Variants in ADGRG7 observed in about 807,000 individuals in gnomAD.
ADGRG7 encodes G-protein coupled receptor 128.
Under a neutral mutation model 88.6 loss-of-function variants are expected in ADGRG7, and 82 were observed. That is an observed-to-expected ratio of 0.93 (90% CI 0.77 to 1.11). ADGRG7 has a LOEUF of 1.11. Ranked by LOEUF, ADGRG7 falls within the 50% of genes most tolerant of loss-of-function variation. The pLI, the probability that ADGRG7 is intolerant of heterozygous loss-of-function variation, is 0.00. For missense variants in ADGRG7, 945 were observed against 953.4 expected, an observed-to-expected ratio of 0.99 and a Z score of 0.12; for synonymous variants, 381 against 345.2, an observed-to-expected ratio of 1.10 and a Z score of -1.15.
At chr3:100,650,744 C>T (rs776956990) in intron 11 of ADGRG7, among the ~76,000 whole-genome samples, 5 of 152,050 alleles carry the variant, frequency 3.3e-5, no homozygotes, top group African/African-American at 2.4e-5. Flanking sequence ...ATAGATGACT[C>T]GTGGGGTGCC....
chr3:100,622,922 G>T lies in ADGRG7; in HGVS notation c.116-6676G>T, dbSNP rs938844299. Among the ~76,000 whole-genome samples the T allele has an allele frequency of 5.5e-3, 784 of 141,922 alleles. 8 individuals carry two copies. The highest frequency in any genetic ancestry group is 8.7e-3 in the Non-Finnish European group (553 of 63,640). The allele number at this position is 141,922 out of a possible 152,430, so 93.1% of individuals were successfully genotyped here. A position where few individuals can be genotyped will look rare whatever the true frequency, so the allele number is the denominator to read the frequency against. On this transcript the variant is annotated intron_variant, in intron 1 of 15. Transcript: ENST00000273352. ...GCGTCACCATGCCCGGAAAATTTTT[G>T]TTTTTGTTTTTTTTTTTTGGTAGAG... is the stretch of plus-strand genomic sequence containing the variant.
At chr3:100,646,327 G>C (rs140654439) in intron 9 of ADGRG7, 2 of 601,108 alleles carry the variant, frequency 3.3e-6, no homozygotes, top group East Asian at 2.8e-5. Flanking sequence ...CTCTTCAAAA[G>C]GTTCTTTGAT....
chr3:100,618,937 T>C (rs1031674247), intron 1 of ADGRG7, among the ~76,000 whole-genome samples: 2 of 152,148 alleles, frequency 1.3e-5, no homozygotes, highest in Non-Finnish European at 2.9e-5. Context: ...CTTCACGTCC[T>C]TTGTAAGTTG....
chr3:100,623,220 G>A (rs1253233463), intron 1 of ADGRG7, among the ~76,000 whole-genome samples: 1 of 152,086 alleles, frequency 6.6e-6, no homozygotes, highest in Admixed American at 6.5e-5. Flanking sequence ...TCTTTGAGAA[G>A]CATTTTAGTT....
At chr3:100,654,026 G>A (rs2094934033) in intron 11 of ADGRG7, among the ~76,000 whole-genome samples, 1 of 152,196 alleles carries the variant, frequency 6.6e-6, no homozygotes, top group African/African-American at 2.4e-5. Flanking sequence ...TCAGCAAAGT[G>A]AGAGTCCTGC....
intron 11 of ADGRG7, among the ~76,000 whole-genome samples, chr3:100,650,186 T>C (rs2149027655): frequency 6.6e-6 from 1 of 152,326 alleles, no homozygotes; most frequent in African/African-American, 2.4e-5. Flanking sequence ...AAAAAATATA[T>C]CAAGCTTTCA....
chr3:100,629,713 T>C lies in ADGRG7; in HGVS notation c.229+2T>C, dbSNP rs1387364188. ...GGAAAGGACTGAGATGTACAATTGG[T>C]AAATTACTTGGGATAATGCTAAAGT... On this transcript the variant is annotated splice_donor_variant, in intron 2 of 15. Coordinates refer to ENST00000273352, the MANE Select transcript of ADGRG7 (RefSeq NM_032787.3). LOFTEE classifies it high-confidence loss of function. 4 of 1,578,822 alleles carry C rather than the reference T, an allele frequency of 2.5e-6. No homozygotes were observed. Among genetic ancestry groups the C allele is most frequent in the Non-Finnish European group, 3.5e-6 (4 of 1,148,330 alleles).
chr3:100,646,721 A>G lies in ADGRG7; in HGVS notation c.1263A>G (p.Leu421=), dbSNP rs1220315216. 1 of 1,613,886 alleles carries G rather than the reference A, an allele frequency of 6.2e-7. No individual in the cohort carries two copies. Among genetic ancestry groups the G allele is most frequent in the Non-Finnish European group, 8.5e-7 (1 of 1,179,772 alleles). ...ACCATACTACTAATTTTGCTGTATTAATGGTAAGGATATACATAGCAATCT... is the reference window on the plus strand; with the variant it reads ...ACCATACTACTAATTTTGCTGTATTGATGGTAAGGATATACATAGCAATCT... ...RCNHTTNFAV[L]MTFKKDYQYP... is the part of the protein sequence containing the mutation. Residue 421 remains leucine (L), a synonymous_variant, in exon 10 of 16, where the codon TTA becomes TTG. Coordinates refer to ENST00000273352, the MANE Select transcript of ADGRG7 (RefSeq NM_032787.3).
chr3:100,611,646 C>T (rs1330107223), intron 1 of ADGRG7, among the ~76,000 whole-genome samples: 1 of 152,138 alleles, frequency 6.6e-6, no homozygotes, highest in Non-Finnish European at 1.5e-5. Context: ...AAAAGAAAAA[C>T]TTTTCTCTTG....
At chr3:100,629,267 C>CTCTA (rs58092447) in intron 1 of ADGRG7, among the ~76,000 whole-genome samples, 24,184 of 148,888 alleles carry the variant, frequency 0.16, 2,003 homozygotes, top group African/African-American at 0.19. Flanking sequence ...TCCATGTTGA[C>CTCTA]TCTATCTATC....
At chr3:100,659,617 T>C in intron 13 of ADGRG7, 71 bp from the exon 14 acceptor site, 2 of 1,313,790 alleles carry the variant, frequency 1.5e-6, no homozygotes, top group African/African-American at 1.5e-5. Context: ...ATGTCAATAG[T>C]GTTAATAGCA....
At chr3:100,652,959 A>G (rs1472800975) in intron 11 of ADGRG7, among the ~76,000 whole-genome samples, 1 of 152,206 alleles carries the variant, frequency 6.6e-6, no homozygotes, top group Non-Finnish European at 1.5e-5. Context: ...CCCAGAAATT[A>G]TATCTTCCAA....
chr3:100,674,225 A>T (rs1018132805), intron 15 of ADGRG7, among the ~76,000 whole-genome samples: 1 of 152,184 alleles, frequency 6.6e-6, no homozygotes, highest in African/African-American at 2.4e-5. Context: ...AAGTAATGTG[A>T]TTCCTCCAGT....
chr3:100,640,449 C>T (rs1001641670), intron 6 of ADGRG7, among the ~76,000 whole-genome samples: 1 of 152,246 alleles, frequency 6.6e-6, no homozygotes, highest in East Asian at 1.9e-4. Flanking sequence ...GTGGGCAGAG[C>T]TCTGGAGGTG....
At chr3:100,656,620 A>G (rs762134793) in intron 13 of ADGRG7, among the ~76,000 whole-genome samples, 5 of 152,172 alleles carry the variant, frequency 3.3e-5, no homozygotes, top group African/African-American at 4.8e-5. Flanking sequence ...AACTCTTTAT[A>G]TGCATTTCTG....
At chr3:100,619,042 G>A (rs948807911) in intron 1 of ADGRG7, among the ~76,000 whole-genome samples, 6 of 152,132 alleles carry the variant, frequency 3.9e-5, no homozygotes, top group Non-Finnish European at 5.9e-5. Flanking sequence ...GTATAAGAAT[G>A]CTTGTGATTT....
At chr3:100,676,896 A>G (rs1439201724) in intron 15 of ADGRG7, among the ~76,000 whole-genome samples, 1 of 151,414 alleles carries the variant, frequency 6.6e-6, no homozygotes, top group Non-Finnish European at 1.5e-5. Flanking sequence ...CTTGAAATCT[A>G]TTTTTTCTAA....
chr3:100,624,781 A>G (rs1192059147), intron 1 of ADGRG7, among the ~76,000 whole-genome samples: 1 of 152,132 alleles, frequency 6.6e-6, no homozygotes, highest in African/African-American at 2.4e-5. Context: ...AGCACTATTT[A>G]TTAAATAGGG....
intron 15 of ADGRG7, among the ~76,000 whole-genome samples, chr3:100,676,021 ATGTT>A (rs1253279912): frequency 3.3e-5 from 5 of 151,880 alleles, no homozygotes; most frequent in African/African-American, 9.7e-5. Flanking sequence ...ATCTGACTAA[ATGTT>A]TGTCAATTTT....
Sources: allele counts gnomAD v4.1 joint callset (sites outside exome capture counted in the v4.1 genomes callset), GRCh38; gene constraint gnomAD v4.1.1; transcripts MANE v1.5; gene names NCBI Gene and HGNC (gene_info 2026-07-23, HGNC 2026-07-21).